PTCHD4: variants seen among roughly 807,000 people sequenced by gnomAD.
PTCHD4 encodes patched domain containing 4, also known as patched domain-containing protein 4.
In PTCHD4, 33 loss-of-function variants were observed where a neutral mutation model predicts 58.1. That is an observed-to-expected ratio of 0.57 (90% CI 0.43 to 0.76). The LOEUF (loss-of-function observed/expected upper bound fraction) is 0.76. PTCHD4 is among the 30% of genes least tolerant of loss of function. The pLI is 0.00. For synonymous variants in PTCHD4, 478 were observed against 409.6 expected, an observed-to-expected ratio of 1.17 and a Z score of -2.02; for missense variants, 1,058 against 1,027.1, an observed-to-expected ratio of 1.03 and a Z score of -0.41.
At chr6:48,073,912 C>A (rs1419443253) in intron 1 of PTCHD4, among the ~76,000 whole-genome samples, 1 of 152,136 alleles carries the variant, frequency 6.6e-6, no homozygotes, top group Non-Finnish European at 1.5e-5. Context: ...GATGATCAGG[C>A]AGCAAACTCA....
intron 1 of PTCHD4, among the ~76,000 whole-genome samples, chr6:48,106,432 G>A (rs143753276): frequency 0.018 from 2,804 of 152,214 alleles, 48 homozygotes; most frequent in South Asian, 0.037. Context: ...CAATAAATTA[G>A]GTATTGATAA....
intron 4 of PTCHD4, among the ~76,000 whole-genome samples, chr6:47,990,173 T>C (rs1002265306): frequency 6.6e-6 from 1 of 152,180 alleles, no homozygotes; most frequent in Non-Finnish European, 1.5e-5. Flanking sequence ...CCAATACCTG[T>C]AGCCCCATTG....
intron 4 of PTCHD4, among the ~76,000 whole-genome samples, chr6:47,960,266 C>T (rs1767029795): frequency 6.6e-6 from 1 of 151,942 alleles, no homozygotes; most frequent in South Asian, 2.1e-4. Context: ...AACAAAAGCA[C>T]TCTATATATG....
At chr6:47,965,205 C>A (rs1767240668) in intron 4 of PTCHD4, among the ~76,000 whole-genome samples, 1 of 152,142 alleles carries the variant, frequency 6.6e-6, no homozygotes, top group Non-Finnish European at 1.5e-5. Flanking sequence ...CTTCAGTAAG[C>A]AAATTTGAAT....
intron 4 of PTCHD4, among the ~76,000 whole-genome samples, chr6:47,889,304 T>C (rs1478105937): frequency 7.9e-6 from 1 of 126,018 alleles, no homozygotes. Flanking sequence ...TTTCTCCACA[T>C]CCTCTCCAGC....
chr6:47,943,955 T>A (rs1368747875), intron 4 of PTCHD4, among the ~76,000 whole-genome samples: 1 of 152,088 alleles, frequency 6.6e-6, no homozygotes, highest in African/African-American at 2.4e-5. Flanking sequence ...CTTTTTTTGA[T>A]GTTGAACTAA....
At chr6:48,061,995 A>C (rs664459) in intron 3 of PTCHD4, among the ~76,000 whole-genome samples, 23,641 of 152,142 alleles carry the variant, frequency 0.16, 1,853 homozygotes, top group African/African-American at 0.2. Context: ...AAATATTTAT[A>C]TTGAGCCTAT....
In PTCHD4 at chr6:47,865,504, T is replaced by C. The variant is rs1203469910; in HGVS notation, c.*12799A>G. Among the ~76,000 whole-genome samples, 1 of 151,940 alleles carries C rather than the reference T, an allele frequency of 6.6e-6. No homozygotes were observed. Among genetic ancestry groups the C allele is most frequent in the Non-Finnish European group, 1.5e-5 (1 of 67,898 alleles). Reference sequence around the variant, plus strand: ...AAATAGATCACACAGAGCTAATAACTAGTTACTGTTATACCACATTAAATT... The same window carrying C: ...AAATAGATCACACAGAGCTAATAACCAGTTACTGTTATACCACATTAAATT... On this transcript the variant is annotated 3_prime_UTR_variant, in exon 5 of 5. Coordinates refer to ENST00000339488, the MANE Select transcript of PTCHD4 (RefSeq NM_001384253.1).
At chr6:48,067,521 T>C (rs1764840477) in intron 3 of PTCHD4, among the ~76,000 whole-genome samples, 1 of 152,152 alleles carries the variant, frequency 6.6e-6, no homozygotes, top group Non-Finnish European at 1.5e-5. Flanking sequence ...CAAACACCCA[T>C]ACACATCATT....
Position 47,883,540 on chromosome 6 carries a change from G to A in PTCHD4, c.899-3604C>T, listed in dbSNP as rs1237017928. Among the ~76,000 whole-genome samples the A allele has an allele frequency of 1.3e-5, 2 of 152,038 alleles. 1 individual carries two copies. The highest frequency in any genetic ancestry group is 4.1e-4 in the South Asian group (2 of 4,820). The stretch of plus-strand genomic sequence containing the variant: ...TTTATTAAAATGCTAGATATTACTA[G>A]GATTTTAGACTTTAAAATAACTTTA... On this transcript the variant is annotated intron_variant, in intron 4 of 4. Transcript: ENST00000339488.
At chr6:48,030,895 T>TCCAG (rs949984546) in intron 3 of PTCHD4, among the ~76,000 whole-genome samples, 2 of 152,100 alleles carry the variant, frequency 1.3e-5, no homozygotes, top group African/African-American at 4.8e-5. Flanking sequence ...GCTTGTACCA[T>TCCAG]CCAGCAAATA....
chr6:47,860,082 G>A lies in PTCHD4; in HGVS notation c.*18221C>T, dbSNP rs911075406. 6.6e-6 allele frequency among the ~76,000 whole-genome samples: 1 copy of A among 152,036 alleles called. No individual in the cohort carries two copies. The highest frequency in any genetic ancestry group is 2.4e-5 in the African/African-American group (1 of 41,424). ...CCTTCTTCAAGGCCTATTTGAAGCT[G>A]CATTTCCTTCTTGAAGTATTCCCCT... On this transcript the variant is annotated 3_prime_UTR_variant, in exon 5 of 5. Transcript: ENST00000339488.
chr6:48,034,568 T>A (rs1318198110), intron 3 of PTCHD4, among the ~76,000 whole-genome samples: 1 of 152,234 alleles, frequency 6.6e-6, no homozygotes, highest in East Asian at 1.9e-4. Flanking sequence ...AACAATAAAA[T>A]GGATCTTGGA....
At position 47,870,036 on chromosome 6, in the gene PTCHD4, A is replaced by G. The variant is rs530723344; in HGVS notation, c.*8267T>C. On this transcript the variant is annotated 3_prime_UTR_variant, in exon 5 of 5. Coordinates refer to ENST00000339488, the MANE Select transcript of PTCHD4 (RefSeq NM_001384253.1). ...AAAAGACCTCATATTTGACCCTAAG[A>G]ACTATAGAATATACACCTGTATAAT... Among the ~76,000 whole-genome samples the G allele has an allele frequency of 6.6e-6, 1 of 151,664 alleles. No individual in the cohort carries two copies. The highest frequency in any genetic ancestry group is 1.5e-5 in the Non-Finnish European group (1 of 67,734).
intron 4 of PTCHD4, among the ~76,000 whole-genome samples, chr6:48,004,778 G>C (rs1053139079): frequency 6.6e-6 from 1 of 152,078 alleles, no homozygotes. Context: ...TTAGCCAGGC[G>C]TGGTGGCACA....
Position 47,875,600 on chromosome 6 carries a change from A to T in PTCHD4, c.*2703T>A, listed in dbSNP as rs1763826892. Among the ~76,000 whole-genome samples the T allele has an allele frequency of 6.6e-6, 1 of 151,868 alleles. No homozygotes were observed. Among genetic ancestry groups the T allele is most frequent in the African/African-American group, 2.4e-5 (1 of 41,398 alleles). On this transcript the variant is annotated 3_prime_UTR_variant, in exon 5 of 5. Transcript: ENST00000339488. ...CCTGGAAAAGATAATGTTCCTTCCAAAATGCCCTCTAGTCACTCGAACAAT... is the reference window on the plus strand; with the variant it reads ...CCTGGAAAAGATAATGTTCCTTCCATAATGCCCTCTAGTCACTCGAACAAT...
At chr6:47,955,235 G>A (rs115492760) in intron 4 of PTCHD4, among the ~76,000 whole-genome samples, 80 of 152,320 alleles carry the variant, frequency 5.3e-4, no homozygotes, top group African/African-American at 1.8e-3. Context: ...ATTAACAGGA[G>A]CATGTGTAAA....
chr6:48,089,561 T>G (rs922952513), intron 1 of PTCHD4, among the ~76,000 whole-genome samples: 3 of 152,232 alleles, frequency 2.0e-5, no homozygotes, highest in African/African-American at 7.2e-5. Context: ...AAAACTAATG[T>G]ATAGATTATT....
intron 4 of PTCHD4, among the ~76,000 whole-genome samples, chr6:47,895,663 CCAA>C (rs1290146814): frequency 1.3e-5 from 2 of 152,068 alleles, no homozygotes; most frequent in Non-Finnish European, 2.9e-5. Flanking sequence ...TTCCACGTGC[CCAA>C]CAAGTACATA....
Sources: gnomAD v4.1 joint callset for allele counts (sites outside exome capture counted in the v4.1 genomes callset) on GRCh38, gnomAD v4.1.1 for gene constraint, MANE v1.5 for transcripts, NCBI Gene and HGNC (gene_info 2026-07-23, HGNC 2026-07-21) for gene names.